Variants in PHLDB1 observed in about 807,000 individuals in gnomAD.
PHLDB1 encodes the protein pleckstrin homology-like domain family B member 1.
In PHLDB1, 65 loss-of-function variants were observed where a neutral mutation model predicts 139.3. That is an observed-to-expected ratio of 0.47 (90% CI 0.38 to 0.57). PHLDB1 has a LOEUF of 0.57. PHLDB1 is among the 20% of genes least tolerant of loss of function. The pLI, the probability that PHLDB1 is intolerant of heterozygous loss-of-function variation, is 0.00. For missense variants in PHLDB1, 1,624 were observed against 1,839.7 expected (o/e 0.88, Z 2.14); for synonymous variants, 679 against 734.5 (o/e 0.92, Z 1.22).
At chr11:118,629,880 C>A in intron 6 of PHLDB1, 1 of 480,890 alleles carries the variant, frequency 2.1e-6, no homozygotes, top group Non-Finnish European at 3.5e-6. Context: ...ACACATCTTA[C>A]CACTAGTCCT....
chr11:118,644,995 A>G (rs1555125674), intron 15 of PHLDB1: 1 of 317,386 alleles, frequency 3.2e-6, no homozygotes, highest in South Asian at 4.2e-5. Context: ...CTTCTCCAGC[A>G]GGCAGGGTGG....
At chr11:118,649,488 G>A (rs920951610) in intron 18 of PHLDB1, among the ~76,000 whole-genome samples, 12 of 152,046 alleles carry the variant, frequency 7.9e-5, no homozygotes, top group South Asian at 4.2e-4. Context: ...CTGTGGGGTC[G>A]TGTGTTTTGT....
Position 118,610,501 on chromosome 11 carries a change from G to A in PHLDB1, c.-22+2802G>A. On this transcript the variant is annotated intron_variant, in intron 1 of 22. Transcript: ENST00000600882. This position sits in a 1 kb window ranked among gnomAD's most constrained non-coding sequence, Gnocchi z 8.7. ...ACAGCCATGCACCGCTTGGGCCGAGGCCGAGGCCGACCCCCAGGGACACAG... is the reference window on the plus strand; with the variant it reads ...ACAGCCATGCACCGCTTGGGCCGAGACCGAGGCCGACCCCCAGGGACACAG... 1.4e-6 allele frequency: 1 copy of A among 691,144 alleles called. No homozygotes were observed. Among genetic ancestry groups the A allele is most frequent in the Non-Finnish European group, 1.8e-6 (1 of 561,726 alleles). The allele number at this position is 691,144 out of a possible 1,614,324, so 42.8% of individuals were successfully genotyped here.
intron 6 of PHLDB1, chr11:118,629,848 A>G (rs1555108191): frequency 2.6e-6 from 1 of 380,046 alleles, no homozygotes; most frequent in Admixed American, 3.8e-5. Context: ...CAGTTTTCCC[A>G]CCCCCATTCC....
At position 118,631,493 on chromosome 11, in the gene PHLDB1, G is replaced by T; in HGVS notation, c.2100+14G>T. On this transcript the variant is annotated intron_variant, in intron 7 of 22. Transcript: ENST00000600882. The stretch of plus-strand genomic sequence containing the variant: ...ACCCAGCAGGAGGTGAGATGGAGGG[G>T]TAGGCAAGACAAAGAGGCTGAAGTT... 1 of 1,423,088 alleles carries T rather than the reference G, an allele frequency of 7.0e-7. No individual in the cohort carries two copies. The highest frequency in any genetic ancestry group is 9.1e-7 in the Non-Finnish European group (1 of 1,092,938). The allele number at this position is 1,423,088 out of a possible 1,614,324, so 88.2% of individuals were successfully genotyped here.
At chr11:118,609,636 C>G (rs975206471) in intron 1 of PHLDB1, among the ~76,000 whole-genome samples, 3 of 152,226 alleles carry the variant, frequency 2.0e-5, no homozygotes, top group Non-Finnish European at 4.4e-5. Flanking sequence ...TCGGAACGGG[C>G]GGTGTCTGTG....
Position 118,645,659 on chromosome 11 carries a change from G to A in PHLDB1, c.3416+9G>A, listed in dbSNP as rs781916330. 12 of 1,613,370 alleles carry A rather than the reference G, an allele frequency of 7.4e-6. No individual in the cohort carries two copies. Among genetic ancestry groups the A allele is most frequent in the South Asian group, 2.2e-5 (2 of 91,044 alleles). ...CCTGACAACATGTCCAGGTACACCCGACGCCTGGGCCCGCAGCCTCCCTCA... is the reference window on the plus strand; with the variant it reads ...CCTGACAACATGTCCAGGTACACCCAACGCCTGGGCCCGCAGCCTCCCTCA... On this transcript the variant is annotated intron_variant, in intron 16 of 22. Coordinates refer to ENST00000600882, the MANE Select transcript of PHLDB1 (RefSeq NM_001144758.3). This position sits in a 1 kb window ranked among gnomAD's most constrained non-coding sequence, Gnocchi z 5.1.
chr11:118,648,004 G>A lies in PHLDB1; in HGVS notation c.3582G>A (p.Leu1194=). ...GGCGTGAGCAGGTAGAACGGAGGCT[G>A]CAGAGTGAGAGTGCCCGGAGGCAGC... ...RRRREQVERR[L]QSESARRQQL... Residue 1194 remains leucine (L), a synonymous_variant, in exon 18 of 23, where the codon CTG becomes CTA. Coordinates refer to ENST00000600882, the MANE Select transcript of PHLDB1 (RefSeq NM_001144758.3). 1 of 1,611,016 alleles carries A rather than the reference G, an allele frequency of 6.2e-7. No homozygotes were observed. Among genetic ancestry groups the A allele is most frequent in the Non-Finnish European group, 8.5e-7 (1 of 1,178,464 alleles).
At chr11:118,647,003 A>G (rs890531079) in intron 17 of PHLDB1, 2 of 152,222 alleles carry the variant, frequency 1.3e-5, no homozygotes, top group Admixed American at 1.3e-4. Context: ...GGAGGTCTTT[A>G]TTAGTAATTA....
chr11:118,639,094 C>G (rs1212003331), intron 11 of PHLDB1, 68 bp from the exon 12 acceptor site: 12 of 1,555,830 alleles, frequency 7.7e-6, no homozygotes, highest in Non-Finnish European at 1.1e-5. Context: ...TGGGGTGGAG[C>G]ACAGGGCCCC....
At chr11:118,624,109 A>G (rs1331083918) in intron 4 of PHLDB1, 5 of 152,266 alleles carry the variant, frequency 3.3e-5, no homozygotes, top group African/African-American at 1.2e-4. Context: ...CATGTTGGCC[A>G]GGCTGGTCTC....
intron 6 of PHLDB1, among the ~76,000 whole-genome samples, chr11:118,629,556 AGAGAACCAGAACTGAT>A (rs1555107892): frequency 6.6e-6 from 1 of 152,220 alleles, no homozygotes; most frequent in Non-Finnish European, 1.5e-5. Flanking sequence ...GGTTTGAGGA[AGAGAACCAGAACTGAT>A]GAGAACCAGA....
intron 17 of PHLDB1, chr11:118,647,486 G>A (rs546326783): frequency 4.5e-5 from 7 of 154,472 alleles, no homozygotes; most frequent in Non-Finnish European, 8.6e-5. Context: ...GGCCGAGGCA[G>A]GCGGATCGCC....
At position 118,647,952 on chromosome 11, in the gene PHLDB1, G is replaced by A. The variant is rs781814982; in HGVS notation, c.3530G>A (p.Arg1177Gln). The A allele has an allele frequency of 1.3e-5, 20 of 1,580,566 alleles. No individual in the cohort carries two copies. The highest frequency in any genetic ancestry group is 6.7e-5 in the African/African-American group (5 of 74,110). The change falls in exon 18 of 23, where the codon CGG (arginine) becomes CAG (glutamine). Residue 1177 changes from arginine to glutamine, a missense_variant. Transcript: ENST00000600882. ...CAGGAGCGGGAGATGGAGCTGCGGC[G>A]GCAGGCCCTGGAGGAGGAGCGGCGG... is the stretch of plus-strand genomic sequence containing the variant. ...ESREREMELR[R>Q]QALEEERRRR...
rs573564035 is a variant in PHLDB1 at position 118,638,900 on chromosome 11, G to T, written c.2545G>T (p.Ala849Ser). 12 of 1,610,354 alleles carry T rather than the reference G, an allele frequency of 7.5e-6. 1 individual carries two copies. Among genetic ancestry groups the T allele is most frequent in the Admixed American group, 5.0e-5 (3 of 59,596 alleles). ...ACCCCATCTCCTTTAGGAGCGCCTGGCCATCCTGGACAGTCAGGCTGGGCA... is the reference window on the plus strand; with the variant it reads ...ACCCCATCTCCTTTAGGAGCGCCTGTCCATCCTGGACAGTCAGGCTGGGCA... ...RSIAKRKERL[A>S]ILDSQAGQIR... The change falls in exon 11 of 23, where the codon GCC becomes TCC. Residue 849 changes from alanine to serine, a missense_variant. Ala to Ser is a moderately conservative substitution (Grantham distance 99). Coordinates refer to ENST00000600882, the MANE Select transcript of PHLDB1 (RefSeq NM_001144758.3).
chr11:118,625,463 G>T (rs550093570), intron 5 of PHLDB1, among the ~76,000 whole-genome samples: 1 of 152,176 alleles, frequency 6.6e-6, no homozygotes, highest in Admixed American at 6.5e-5. Context: ...CTTGGGCCTC[G>T]CCCAACCCTC....
At position 118,643,838 on chromosome 11, in the gene PHLDB1, C is replaced by A; in HGVS notation, c.2916C>A (p.Pro972=). 1 of 1,614,098 alleles carries A rather than the reference C, an allele frequency of 6.2e-7. No individual in the cohort carries two copies. Among genetic ancestry groups the A allele is most frequent in the Admixed American group, 1.7e-5 (1 of 60,026 alleles). The part of the protein sequence containing the change: ...RSKMDGEATS[P]LPRTRSGPLP... ...AGATGGATGGCGAGGCCACCAGCCC[C>A]CTTCCCCGGACCCGCAGCGGCCCCC... is the stretch of plus-strand genomic sequence containing the variant. The change falls in exon 14 of 23, where the codon CCC becomes CCA. Residue 972 remains proline, a synonymous_variant. Coordinates refer to ENST00000600882, the MANE Select transcript of PHLDB1 (RefSeq NM_001144758.3).
At position 118,638,881 on chromosome 11, in the gene PHLDB1, T is replaced by C; in HGVS notation, c.2536-10T>C. ...CCCCAGGGCCTGATCAACCACCCCA[T>C]CTCCTTTAGGAGCGCCTGGCCATCC... On this transcript the variant is annotated splice_polypyrimidine_tract_variant and intron_variant, in intron 10 of 22. Transcript: ENST00000600882. 1 of 1,598,138 alleles carries C rather than the reference T, an allele frequency of 6.3e-7. No individual in the cohort carries two copies. Among genetic ancestry groups the C allele is most frequent in the Non-Finnish European group, 8.5e-7 (1 of 1,170,630 alleles).
At chr11:118,642,121 A>C in intron 12 of PHLDB1, 133 bp from the exon 13 acceptor site, 37 of 805,166 alleles carry the variant, frequency 4.6e-5, no homozygotes, top group Non-Finnish European at 7.1e-5. Flanking sequence ...CTTCCTTTTT[A>C]ACCTTCCCCT....
Sources: allele counts gnomAD v4.1 joint callset (sites outside exome capture counted in the v4.1 genomes callset), GRCh38; gene constraint gnomAD v4.1.1; non-coding constraint Gnocchi (gnomAD v3.1); transcripts MANE v1.5; gene names NCBI Gene and HGNC (gene_info 2026-07-23, HGNC 2026-07-21).